The following TFB1M variants were observed in gnomAD, a reference collection of about 807,000 sequenced individuals.
The protein encoded by TFB1M is dimethyladenosine transferase 1, mitochondrial.
TFB1M carries 27 observed loss-of-function variants against 31.1 expected under a neutral mutation model. The ratio of observed to expected loss-of-function variants is 0.87; its 90% confidence interval spans 0.64 to 1.20. TFB1M has a LOEUF of 1.20. TFB1M is among the 50% of genes most tolerant of loss of function. The probability of loss-of-function intolerance (pLI) is 0.00; values close to 1 mark genes in which losing one functional copy is unlikely to be tolerated. For synonymous variants in TFB1M, 166 were observed against 151.8 expected, an observed-to-expected ratio of 1.09 and a Z score of -0.69; for missense variants, 394 against 418.7, an observed-to-expected ratio of 0.94 and a Z score of 0.51.
the TFB1M span, among the ~76,000 whole-genome samples, chr6:155,239,505 C>T: frequency 1.3e-5 from 2 of 152,176 alleles, no homozygotes; most frequent in Non-Finnish European, 2.9e-5. Flanking sequence ...GTAATCTGAC[C>T]CTGCTCCAGC....
chr6:155,247,816 G>T, the TFB1M span, among the ~76,000 whole-genome samples: 1 of 152,202 alleles, frequency 6.6e-6, no homozygotes, highest in Non-Finnish European at 1.5e-5. Context: ...GCTCTGTCAG[G>T]GCTGTGAGGC....
At chr6:155,263,039 C>A (rs993234554) in intron 5 of TFB1M, among the ~76,000 whole-genome samples, 1 of 152,110 alleles carries the variant, frequency 6.6e-6, no homozygotes, top group East Asian at 1.9e-4. Flanking sequence ...TAAAACTCAG[C>A]GTCAACAAAG....
At chr6:155,276,476 G>C in intron 5 of TFB1M, 2 of 1,121,990 alleles carry the variant, frequency 1.8e-6, no homozygotes. Context: ...TCCCTACAAA[G>C]AAAGTAGAAT....
intron 5 of TFB1M, among the ~76,000 whole-genome samples, chr6:155,263,696 T>C (rs1437484296): frequency 6.6e-6 from 1 of 152,150 alleles, no homozygotes; most frequent in Non-Finnish European, 1.5e-5. Flanking sequence ...CAACATGATA[T>C]ACAGAGGACA....
rs76912200 is a variant in TFB1M at position 155,274,062 on chromosome 6, C to T, written c.666+11096G>A. ...GTATTAACTTATTTAACCCTATGAA[C>T]GAAGTATTTCAATCCTCCCCATTTT... On this transcript the variant is annotated intron_variant, in intron 5 of 6. Coordinates refer to ENST00000367166, the MANE Select transcript of TFB1M (RefSeq NM_016020.4). Among the ~76,000 whole-genome samples the T allele has an allele frequency of 3.4e-3, 515 of 152,236 alleles. 4 individuals carry two copies. Among genetic ancestry groups the T allele is most frequent in the African/African-American group, 0.011 (469 of 41,534 alleles).
At chr6:155,244,079 G>A in the TFB1M span, 1 of 1,613,696 alleles carries the variant, frequency 6.2e-7, no homozygotes, top group African/African-American at 1.3e-5. Context: ...CCCAAGATGA[G>A]GTAAATAAAA....
At chr6:155,305,107 ATTATATAT>A in intron 2 of TFB1M, among the ~76,000 whole-genome samples, 1 of 119,030 alleles carries the variant, frequency 8.4e-6, no homozygotes, top group East Asian at 2.2e-4. Context: ...TTATTTATAT[ATTATATAT>A]TTATATATAT....
chr6:155,284,595 G>A (rs1331318566), intron 5 of TFB1M, among the ~76,000 whole-genome samples: 2 of 152,058 alleles, frequency 1.3e-5, no homozygotes, highest in African/African-American at 2.4e-5. Flanking sequence ...AACAGACAAC[G>A]GTTTTTTTAA....
chr6:155,282,985 C>T (rs1776453523), intron 5 of TFB1M, among the ~76,000 whole-genome samples: 1 of 152,124 alleles, frequency 6.6e-6, no homozygotes, highest in Admixed American at 6.5e-5. Flanking sequence ...CCTCGGCCTC[C>T]CAAAGTGCTG....
At chr6:155,290,991 A>G (rs1776896575) in intron 4 of TFB1M, among the ~76,000 whole-genome samples, 1 of 152,196 alleles carries the variant, frequency 6.6e-6, no homozygotes, top group Admixed American at 6.5e-5. Flanking sequence ...ACTGAGACCA[A>G]TTGATTACCC....
chr6:155,288,782 C>A (rs1338960504), intron 4 of TFB1M, among the ~76,000 whole-genome samples: 1 of 152,178 alleles, frequency 6.6e-6, no homozygotes, highest in Non-Finnish European at 1.5e-5. Context: ...ATTCAAATCA[C>A]AGACCAGAAA....
the TFB1M span, chr6:155,243,980 G>T: frequency 1.9e-6 from 3 of 1,601,852 alleles, no homozygotes; most frequent in East Asian, 4.5e-5. Context: ...AGACTAAAGC[G>T]TTGAAGACAC....
chr6:155,283,334 G>T (rs1029670118), intron 5 of TFB1M, among the ~76,000 whole-genome samples: 81 of 152,136 alleles, frequency 5.3e-4, no homozygotes, highest in African/African-American at 1.8e-3. Context: ...TGCTTTTCTG[G>T]ATTACAAATA....
At chr6:155,251,853 A>G, downstream of TFB1M, 2 of 976,378 alleles carry the variant, frequency 2.0e-6, no homozygotes, top group East Asian at 2.5e-5. Flanking sequence ...ATACGTTTGG[A>G]GAGTGTTACT....
chr6:155,275,705 C>T (rs1424748573), intron 5 of TFB1M: 1 of 1,604,330 alleles, frequency 6.2e-7, no homozygotes, highest in Admixed American at 1.7e-5. Flanking sequence ...AGAGGACAGA[C>T]TTAACAGTAA....
the TFB1M span, among the ~76,000 whole-genome samples, chr6:155,238,338 A>C: frequency 1.3e-5 from 2 of 152,206 alleles, no homozygotes; most frequent in Non-Finnish European, 2.9e-5. Context: ...AGTCTCTAGG[A>C]AGTTCCAAAC....
At chr6:155,249,886 A>G in the TFB1M span, 3 of 1,614,166 alleles carry the variant, frequency 1.9e-6, no homozygotes, top group Non-Finnish European at 2.5e-6. Flanking sequence ...AGCGAGCCAC[A>G]TCAATGAGAT....
At chr6:155,284,099 G>GA (rs1776513430) in intron 5 of TFB1M, among the ~76,000 whole-genome samples, 1 of 152,188 alleles carries the variant, frequency 6.6e-6, no homozygotes. Flanking sequence ...TACGTAAGGG[G>GA]AAGATGGCCT....
rs1026447203 is a variant in TFB1M at position 155,281,487 on chromosome 6, C to T, written c.666+3671G>A. The stretch of plus-strand genomic sequence containing the variant: ...CTGTAATCCCAGCACTTTGGGAGGC[C>T]GAGGCGGATGGATCACCTGAGGCCA... On this transcript the variant is annotated intron_variant, in intron 5 of 6. Transcript: ENST00000367166. 2.0e-5 allele frequency among the ~76,000 whole-genome samples: 3 copies of T among 151,972 alleles called. No individual in the cohort carries two copies. The South Asian group carries it at 6.2e-4, about 32-fold the overall frequency.
Sources: allele counts gnomAD v4.1 joint callset (sites outside exome capture counted in the v4.1 genomes callset), GRCh38; gene constraint gnomAD v4.1.1; transcripts MANE v1.5; gene names NCBI Gene and HGNC (gene_info 2026-07-23, HGNC 2026-07-21).